The following WDR20 variants were observed in gnomAD, a reference collection of about 807,000 sequenced individuals.
The protein encoded by WDR20 is WD repeat-containing protein 20.
WDR20 carries 3 observed loss-of-function variants against 38.7 expected under a neutral mutation model. The ratio of observed to expected loss-of-function variants is 0.08; its 90% CI spans 0.04 to 0.20. WDR20 has a LOEUF of 0.20. Ranked by LOEUF, WDR20 falls within the 10% of genes least tolerant of loss-of-function variation. The pLI is 1.00. For synonymous variants in WDR20, 298 were observed against 285.6 expected, an observed-to-expected ratio of 1.04 and a Z score of -0.44; for missense variants, 559 against 727.7, an observed-to-expected ratio of 0.77 and a Z score of 2.67.
At chr14:102,180,036 C>G (rs1490835473) in intron 1 of WDR20, among the ~76,000 whole-genome samples, 1 of 152,036 alleles carries the variant, frequency 6.6e-6, no homozygotes, top group African/African-American at 2.4e-5. Flanking sequence ...GCTTGTAATC[C>G]CAGCTAGTTG....
At chr14:102,172,528 G>A (rs2061075093) in intron 1 of WDR20, among the ~76,000 whole-genome samples, 1 of 150,152 alleles carries the variant, frequency 6.7e-6, no homozygotes. Context: ...CGGCTGGCCG[G>A]GCGGGGGGCT....
downstream of WDR20, chr14:102,213,284 AG>A (rs1329734749): frequency 1.8e-5 from 18 of 985,350 alleles, no homozygotes; most frequent in Middle Eastern, 5.2e-4. Context: ...CCTTTGGAAA[AG>A]CTTGCCTTCT....
chr14:102,212,661 A>C (rs1341142941), downstream of WDR20: 7 of 1,525,650 alleles, frequency 4.6e-6, no homozygotes, highest in Non-Finnish European at 5.3e-6. Flanking sequence ...GCTTCTGAGT[A>C]ATGGCTCCCG....
At chr14:102,204,669 C>A (rs1033181898) in intron 2 of WDR20, among the ~76,000 whole-genome samples, 4 of 152,206 alleles carry the variant, frequency 2.6e-5, no homozygotes, top group African/African-American at 9.6e-5. Context: ...GGGAGACAGG[C>A]ATGACTGCAT....
chr14:102,160,875 C>T (rs57793930), intron 1 of WDR20, among the ~76,000 whole-genome samples: 12,096 of 137,532 alleles, frequency 0.088, 909 homozygotes, highest in African/African-American at 0.21. Context: ...GTGAACCCAG[C>T]GAGTGGAGCT....
Position 102,208,857 on chromosome 14 carries a change from C to T in WDR20, c.687C>T (p.Ser229=). The part of the protein sequence containing the change: ...GEGALNEFAF[S]PDGKFLACVS... ...GGGCCCTCAACGAGTTTGCTTTCTC[C>T]CCAGATGGCAAGTTCTTAGCGTGCG... The change falls in exon 3 of 3, where the codon TCC becomes TCT. Residue 229 remains serine (S), a synonymous_variant. Coordinates refer to ENST00000342702, the MANE Select transcript of WDR20 (RefSeq NM_144574.4). The surrounding 1 kb of genome is among the most constrained non-coding windows in gnomAD (Gnocchi z 5.6). 6.2e-7 allele frequency: 1 copy of T among 1,614,202 alleles called. No individual in the cohort carries two copies. Among genetic ancestry groups the T allele is most frequent in the Non-Finnish European group, 8.5e-7 (1 of 1,180,056 alleles).
At chr14:102,176,578 C>A (rs1414865673) in intron 1 of WDR20, among the ~76,000 whole-genome samples, 4 of 151,994 alleles carry the variant, frequency 2.6e-5, no homozygotes, top group African/African-American at 9.7e-5. Flanking sequence ...TTTACATCTC[C>A]GTTCGTCAGG....
intron 1 of WDR20, 68 bp from the exon 2 acceptor site, chr14:102,194,870 G>A: frequency 2.0e-6 from 3 of 1,476,112 alleles, no homozygotes; most frequent in Non-Finnish European, 2.8e-6. Flanking sequence ...GGAGTATAAA[G>A]TAGCATAACT....
intron 1 of WDR20, among the ~76,000 whole-genome samples, chr14:102,141,486 AC>A (rs1275587835): frequency 2.0e-5 from 3 of 149,562 alleles, no homozygotes; most frequent in Admixed American, 2.0e-4. Context: ...AAATCGCTTG[AC>A]CTTTTTTTTT....
rs867800996 is a variant in WDR20 at position 102,140,063 on chromosome 14, C to T, written c.140C>T (p.Pro47Leu). The T allele has an allele frequency of 6.2e-7, 1 of 1,614,216 alleles. No individual in the cohort carries two copies. The highest frequency in any genetic ancestry group is 8.5e-7 in the Non-Finnish European group (1 of 1,180,036). Residue 47 changes from proline to leucine, a missense_variant, in exon 1 of 3, where the codon CCT becomes CTT. By Grantham distance (98) the Pro-to-Leu change is moderately conservative. Transcript: ENST00000342702. ...RVPFNSQGSN[P>L]VRVSFVNLND... The stretch of plus-strand genomic sequence containing the variant: ...CCCTTCAACTCGCAGGGATCCAACC[C>T]TGTCCGCGTCTCCTTCGTAAACCTC...
chr14:102,144,663 A>G (rs183642025), intron 1 of WDR20, among the ~76,000 whole-genome samples: 109 of 151,664 alleles, frequency 7.2e-4, no homozygotes, highest in African/African-American at 2.7e-4. Flanking sequence ...TTGAATCCCC[A>G]TGGTGTATCA....
chr14:102,184,328 T>G (rs1396598400), intron 1 of WDR20, among the ~76,000 whole-genome samples: 1 of 152,196 alleles, frequency 6.6e-6, no homozygotes, highest in Non-Finnish European at 1.5e-5. Context: ...GGTAAAGATG[T>G]TGCAGTGTAG....
rs2050300977 is a variant in WDR20, at chr14:102,140,024, G to A, written c.101G>A (p.Arg34Gln). Residue 34 changes from arginine to glutamine, a missense_variant, in exon 1 of 3, where the codon CGG (arginine) becomes CAG (glutamine). Physicochemically the swap from Arg to Gln is conservative, Grantham distance 43 (BLOSUM62 1). Transcript: ENST00000342702. ...CTGCTGCCGCACTCGGAGTACAGCC[G>A]GCCCAACCGGGTGCCCTTCAACTCG... ...YKLLPHSEYS[R>Q]PNRVPFNSQG... 1 of 1,614,240 alleles carries A rather than the reference G, an allele frequency of 6.2e-7. No individual in the cohort carries two copies.
At chr14:102,145,631 C>T (rs541825566) in intron 1 of WDR20, among the ~76,000 whole-genome samples, 7 of 152,102 alleles carry the variant, frequency 4.6e-5, no homozygotes, top group East Asian at 3.9e-4. Context: ...CAAGGGTGGG[C>T]GTGGTGTCAT....
intron 1 of WDR20, chr14:102,193,327 C>A: frequency 1.2e-6 from 1 of 803,698 alleles, no homozygotes; most frequent in Non-Finnish European, 2.0e-6. Context: ...GCCTGCCTTG[C>A]TGTACAGCGG....
intron 1 of WDR20, among the ~76,000 whole-genome samples, chr14:102,159,147 G>C (rs867576569): frequency 6.6e-6 from 1 of 151,990 alleles, no homozygotes; most frequent in Non-Finnish European, 1.5e-5. Flanking sequence ...GTCTCACTAT[G>C]TTACCCAGGC....
chr14:102,205,708 G>A (rs553393529), intron 2 of WDR20, among the ~76,000 whole-genome samples: 7 of 151,968 alleles, frequency 4.6e-5, no homozygotes, highest in African/African-American at 1.2e-4. Flanking sequence ...AGAGAAGCAC[G>A]TGTTTTCCCT....
At chr14:102,168,238 A>G (rs2060133111) in intron 1 of WDR20, among the ~76,000 whole-genome samples, 1 of 152,216 alleles carries the variant, frequency 6.6e-6, no homozygotes, top group Non-Finnish European at 1.5e-5. Flanking sequence ...TTAATCATTC[A>G]AATCACTAAA....
intron 1 of WDR20, among the ~76,000 whole-genome samples, chr14:102,174,545 G>A (rs568828838): frequency 3.9e-5 from 6 of 152,074 alleles, no homozygotes; most frequent in African/African-American, 1.4e-4. Flanking sequence ...TCAGCCTCCC[G>A]AGTAGCTGGG....
Sources: gnomAD v4.1 joint callset for allele counts (sites outside exome capture counted in the v4.1 genomes callset) on GRCh38, gnomAD v4.1.1 for gene constraint, Gnocchi (gnomAD v3.1) non-coding constraint, MANE v1.5 for transcripts, NCBI Gene and HGNC (gene_info 2026-07-23, HGNC 2026-07-21) for gene names.